PALLD: variants seen among roughly 807,000 people sequenced by gnomAD.
The protein encoded by PALLD is palladin.
Under a neutral mutation model 123.5 loss-of-function variants are expected in PALLD, and 61 were observed. The observed-to-expected ratio is 0.49, with a 90% CI of 0.40 to 0.61. The LOEUF (loss-of-function observed/expected upper bound fraction) is 0.61. Among genes scored for constraint, PALLD ranks in the 20% least tolerant of loss-of-function variants. The probability of loss-of-function intolerance (pLI) is 0.00; values close to 1 mark genes in which losing one functional copy is unlikely to be tolerated. For missense variants in PALLD, 1,273 were observed against 1,377.0 expected (o/e 0.92, Z 1.20); for synonymous variants, 465 against 496.4 (o/e 0.94, Z 0.84).
chr4:168,723,891 CTTTTT>C (rs59055427), intron 10 of PALLD, among the ~76,000 whole-genome samples: 1 of 111,774 alleles, frequency 8.9e-6, no homozygotes, highest in East Asian at 2.7e-4. Flanking sequence ...TTGAGTTGGG[CTTTTT>C]TTTTTTTTTT....
intron 10 of PALLD, among the ~76,000 whole-genome samples, chr4:168,755,242 A>G: frequency 6.6e-6 from 1 of 152,030 alleles, no homozygotes; most frequent in Non-Finnish European, 1.5e-5. Flanking sequence ...CAAAAAAAAA[A>G]AAAAAAAAAG....
intron 3 of PALLD, among the ~76,000 whole-genome samples, chr4:168,679,488 TGGTGGG>T (rs1781325775): frequency 9.3e-6 from 1 of 107,270 alleles, no homozygotes; most frequent in African/African-American, 4.0e-5. Flanking sequence ...GTGTGGTGTG[TGGTGGG>T]GTGTGTGTGT....
chr4:168,892,773 T>A (rs1754339449), intron 11 of PALLD, among the ~76,000 whole-genome samples: 2 of 152,086 alleles, frequency 1.3e-5, no homozygotes, highest in South Asian at 4.1e-4. Context: ...CCTTATGAAC[T>A]AAGATTCTCT....
At chr4:168,670,578 A>C (rs1197994804) in intron 3 of PALLD, among the ~76,000 whole-genome samples, 1 of 150,404 alleles carries the variant, frequency 6.6e-6, no homozygotes, top group Non-Finnish European at 1.5e-5. Context: ...CTAAAAATAC[A>C]AAAAATTAGC....
intron 2 of PALLD, among the ~76,000 whole-genome samples, chr4:168,518,542 T>C (rs1175471871): frequency 6.6e-6 from 1 of 152,198 alleles, no homozygotes; most frequent in Non-Finnish European, 1.5e-5. Context: ...AGGCTTGTTC[T>C]TGTCTGGGGC....
At chr4:168,627,414 G>A (rs2149815547) in intron 2 of PALLD, among the ~76,000 whole-genome samples, 1 of 152,300 alleles carries the variant, frequency 6.6e-6, no homozygotes, top group South Asian at 2.1e-4. Flanking sequence ...GGAGGCTGAT[G>A]CAGGAGAATC....
chr4:168,799,171 G>A (rs903924034), intron 10 of PALLD, among the ~76,000 whole-genome samples: 1 of 152,218 alleles, frequency 6.6e-6, no homozygotes, highest in Non-Finnish European at 1.5e-5. Flanking sequence ...GTGTGTGAGT[G>A]GTTGAGGTAT....
chr4:168,597,511 T>C (rs1935762561), intron 2 of PALLD, among the ~76,000 whole-genome samples: 1 of 152,160 alleles, frequency 6.6e-6, no homozygotes, highest in Admixed American at 6.5e-5. Context: ...TTTATTGATG[T>C]ACTGCCTGGC....
rs185389617 is a variant in PALLD, at chr4:168,912,134, C to A, written c.2623-1793C>A. ...CCACTAGTGCCCTCACCCTGACCCC[C>A]ACTCCAGTCTACTCACAGTTGGAAA... On this transcript the variant is annotated intron_variant, in intron 15 of 21. Transcript: ENST00000505667. Among the ~76,000 whole-genome samples the A allele has an allele frequency of 3.9e-5, 6 of 152,266 alleles. No homozygotes were observed. The East Asian group carries it at 9.7e-4, about 25-fold the overall frequency.
At chr4:168,878,089 G>C in intron 10 of PALLD, 3 of 1,443,692 alleles carry the variant, frequency 2.1e-6, no homozygotes, top group Non-Finnish European at 2.7e-6. Flanking sequence ...GCGCCCCCGT[G>C]CCGCCCTTCG....
At chr4:168,621,190 C>A (rs1774726844) in intron 2 of PALLD, among the ~76,000 whole-genome samples, 1 of 152,212 alleles carries the variant, frequency 6.6e-6, no homozygotes, top group Admixed American at 6.5e-5. Flanking sequence ...GAAAGTTCAG[C>A]CTAGGCTTCC....
intron 10 of PALLD, among the ~76,000 whole-genome samples, chr4:168,879,287 CA>C (rs908232460): frequency 2.6e-5 from 4 of 151,880 alleles, no homozygotes; most frequent in African/African-American, 9.7e-5. Context: ...GTAAAATCCT[CA>C]AAAAAATACA....
chr4:168,753,589 CAG>C (rs1306878718), intron 10 of PALLD, among the ~76,000 whole-genome samples: 1 of 152,064 alleles, frequency 6.6e-6, no homozygotes, highest in East Asian at 1.9e-4. Context: ...GTGGGGGTGA[CAG>C]TGTGTCACTT....
At chr4:168,749,505 G>A (rs1730752921) in intron 10 of PALLD, among the ~76,000 whole-genome samples, 2 of 151,804 alleles carry the variant, frequency 1.3e-5, no homozygotes, top group African/African-American at 4.8e-5. Flanking sequence ...CCAGAAGTTC[G>A]AGACTAGCCT....
chr4:168,799,138 G>A (rs992785382), intron 10 of PALLD, among the ~76,000 whole-genome samples: 6 of 152,200 alleles, frequency 3.9e-5, no homozygotes, highest in African/African-American at 1.4e-4. Flanking sequence ...TGCCTTATTT[G>A]TACACAGTTT....
chr4:168,516,947 T>C (rs567948964), intron 2 of PALLD, among the ~76,000 whole-genome samples: 4 of 152,112 alleles, frequency 2.6e-5, no homozygotes, highest in South Asian at 4.1e-4. Flanking sequence ...TTAAGGTGGG[T>C]ATAGTTAGTG....
chr4:168,798,704 A>G (rs1738866440), intron 10 of PALLD, among the ~76,000 whole-genome samples: 1 of 152,356 alleles, frequency 6.6e-6, no homozygotes, highest in African/African-American at 2.4e-5. Flanking sequence ...TTTTTATCCT[A>G]CTAAAACAAA....
intron 2 of PALLD, among the ~76,000 whole-genome samples, chr4:168,529,936 G>A (rs187713437): frequency 1.3e-5 from 2 of 152,272 alleles, no homozygotes; most frequent in Non-Finnish European, 2.9e-5. Flanking sequence ...TACAATATGT[G>A]TAAACGTCAA....
chr4:168,670,455 C>T (rs758402226), intron 3 of PALLD, among the ~76,000 whole-genome samples: 10 of 151,762 alleles, frequency 6.6e-5, no homozygotes, highest in Non-Finnish European at 1.2e-4. Flanking sequence ...GGGCGCGGGC[C>T]GGGCGCGGTG....
Sources: allele counts gnomAD v4.1 joint callset (sites outside exome capture counted in the v4.1 genomes callset), GRCh38; gene constraint gnomAD v4.1.1; transcripts MANE v1.5; gene names NCBI Gene and HGNC (gene_info 2026-07-23, HGNC 2026-07-21).